The following ADD3 variants were observed in gnomAD, a reference collection of about 807,000 sequenced individuals.
The protein encoded by ADD3 is adducin 3.
A neutral mutation model predicts 80.2 loss-of-function variants in ADD3; 25 were observed. That is an observed-to-expected ratio of 0.31 (90% CI 0.23 to 0.44). The LOEUF (loss-of-function observed/expected upper bound fraction) is 0.44, where lower values mean the gene tolerates loss of function less well. Among genes scored for constraint, ADD3 ranks in the 20% least tolerant of loss-of-function variants. The pLI is 1.00. For synonymous variants in ADD3, 284 were observed against 289.6 expected (o/e 0.98, Z 0.20); for missense variants, 829 against 847.5 (o/e 0.98, Z 0.27).
At chr10:110,072,510 CA>C (rs1191936208) in intron 1 of ADD3, among the ~76,000 whole-genome samples, 3 of 152,104 alleles carry the variant, frequency 2.0e-5, no homozygotes, top group Non-Finnish European at 4.4e-5. Context: ...GGAAGTAAGC[CA>C]GAGGGTTGTG....
chr10:110,011,988 A>G (rs1852390642), intron 1 of ADD3, among the ~76,000 whole-genome samples: 1 of 152,250 alleles, frequency 6.6e-6, no homozygotes, highest in Non-Finnish European at 1.5e-5. Context: ...ACAGGTTAGA[A>G]GTCTTTCATT....
intron 14 of ADD3, 74 bp downstream of exon 14, chr10:110,132,474 G>A (rs191609867): frequency 6.5e-5 from 64 of 991,518 alleles, no homozygotes; most frequent in Non-Finnish European, 9.4e-5. Context: ...TTGTTTTCAC[G>A]TGAGGAAGTT....
At chr10:110,017,470 G>A (rs1853139259) in intron 1 of ADD3, among the ~76,000 whole-genome samples, 1 of 152,198 alleles carries the variant, frequency 6.6e-6, no homozygotes, top group Non-Finnish European at 1.5e-5. Flanking sequence ...AACATGAAGT[G>A]AATTGTTTCA....
At chr10:109,999,144 G>A (rs1248582623) in intron 1 of ADD3, among the ~76,000 whole-genome samples, 5 of 152,100 alleles carry the variant, frequency 3.3e-5, no homozygotes, top group Non-Finnish European at 5.9e-5. Flanking sequence ...CTCAGTAAAT[G>A]AACGCTGGGT....
intron 1 of ADD3, among the ~76,000 whole-genome samples, chr10:110,089,629 A>G (rs1158605354): frequency 2.0e-5 from 3 of 152,056 alleles, no homozygotes; most frequent in African/African-American, 7.2e-5. Context: ...TCTGTAAGAT[A>G]CTTGAGGGAT....
chr10:110,006,021 CT>C, upstream of ADD3: 1 of 243,726 alleles, frequency 4.1e-6, no homozygotes, highest in Non-Finnish European at 8.4e-6. Flanking sequence ...GCCGCCGCTG[CT>C]GCTGCTGCTG....
intron 1 of ADD3, among the ~76,000 whole-genome samples, chr10:110,092,116 G>A: frequency 6.6e-6 from 1 of 152,140 alleles, no homozygotes; most frequent in East Asian, 1.9e-4. Context: ...GGAGAAAACG[G>A]AACACTTATA....
upstream of ADD3, among the ~76,000 whole-genome samples, chr10:110,004,158 C>A (rs796707180): frequency 2.0e-5 from 3 of 151,712 alleles, no homozygotes; most frequent in African/African-American, 7.2e-5. Flanking sequence ...GCCCTCCTTG[C>A]AGAGAAGCAA....
At chr10:110,038,078 A>G (rs2050033640) in intron 1 of ADD3, among the ~76,000 whole-genome samples, 2 of 151,684 alleles carry the variant, frequency 1.3e-5, no homozygotes, top group African/African-American at 4.8e-5. Context: ...TCAAAAAAAA[A>G]AAAAAAAAAA....
rs748774653 is a variant in ADD3, at chr10:110,117,396, T to G, written c.541T>G (p.Phe181Val). ...TATAATAATTCCCAGAGGCCTATCT[T>G]TTTCTGAAGCTACAGCCTCCAATTT... ...HIIIIPRGLS[F>V]SEATASNLVK... The change falls in exon 5 of 15, where the codon TTT (phenylalanine) becomes GTT (valine). Residue 181 changes from phenylalanine to valine, a missense_variant. Coordinates refer to ENST00000356080, the MANE Select transcript of ADD3 (RefSeq NM_016824.5). 1.2e-6 allele frequency: 2 copies of G among 1,606,564 alleles called. No individual in the cohort carries two copies. Among genetic ancestry groups the G allele is most frequent in the Admixed American group, 1.7e-5 (1 of 59,986 alleles).
At position 110,134,916 on chromosome 10, in the gene ADD3, C is replaced by A. The variant is rs1001218645; in HGVS notation, c.*1298C>A. On this transcript the variant is annotated 3_prime_UTR_variant, in exon 15 of 15. Transcript: ENST00000356080. ...TTGATTTTTACAGATTTAAAAAAAT[C>A]TTTTCAGTGACCTTTCTTTTTAATG... 4.6e-5 allele frequency: 7 copies of A among 152,530 alleles called. No individual in the cohort carries two copies. The highest frequency in any genetic ancestry group is 1.4e-4 in the African/African-American group (6 of 41,452). 9.4% of individuals were successfully genotyped at this position (152,530 alleles called of 1,614,324 possible).
intron 3 of ADD3, among the ~76,000 whole-genome samples, chr10:110,115,413 T>G (rs1376438176): frequency 6.7e-6 from 1 of 150,320 alleles, no homozygotes. Flanking sequence ...ACAAGCAGGC[T>G]GGAAAATGGG....
rs1254259308 is a variant in ADD3, at chr10:110,135,366, G to A, written c.*1748G>A. On this transcript the variant is annotated 3_prime_UTR_variant, in exon 15 of 15. Transcript: ENST00000356080. ...TAAAAATATATATATCTAAATGAAT[G>A]CAATGTGCATAAATATTTTTTAAAC... The A allele has an allele frequency of 6.6e-6, 1 of 152,526 alleles. No homozygotes were observed. Among genetic ancestry groups the A allele is most frequent in the East Asian group, 1.9e-4 (1 of 5,206 alleles). 9.4% of individuals were successfully genotyped at this position (152,526 alleles called of 1,614,324 possible).
At chr10:110,132,709 C>T (rs1434791503) in intron 14 of ADD3, 5 of 253,226 alleles carry the variant, frequency 2.0e-5, no homozygotes, top group Non-Finnish European at 3.1e-5. Flanking sequence ...AGGTGGATCA[C>T]GAGGTCAGGA....
intron 1 of ADD3, among the ~76,000 whole-genome samples, chr10:109,998,970 T>G (rs1201481163): frequency 6.6e-6 from 1 of 152,196 alleles, no homozygotes; most frequent in Non-Finnish European, 1.5e-5. Flanking sequence ...AAAAGCTTCA[T>G]GAGTACAGGG....
At chr10:110,017,004 A>C (rs1186592473) in intron 1 of ADD3, among the ~76,000 whole-genome samples, 1 of 152,188 alleles carries the variant, frequency 6.6e-6, no homozygotes, top group Non-Finnish European at 1.5e-5. Flanking sequence ...ATTATATGTA[A>C]TTACTTAATT....
At chr10:110,020,970 T>C (rs570640506) in intron 1 of ADD3, among the ~76,000 whole-genome samples, 59 of 152,160 alleles carry the variant, frequency 3.9e-4, no homozygotes, top group African/African-American at 1.3e-3. Flanking sequence ...ATTTGCAAGT[T>C]GCTATGAGGA....
intron 9 of ADD3, among the ~76,000 whole-genome samples, chr10:110,123,655 G>A (rs1291499788): frequency 6.6e-6 from 1 of 152,132 alleles, no homozygotes; most frequent in Non-Finnish European, 1.5e-5. Flanking sequence ...AGGCTCAGAA[G>A]GCTGACTGCC....
intron 2 of ADD3, among the ~76,000 whole-genome samples, chr10:110,102,979 C>T (rs978584198): frequency 3.9e-5 from 6 of 152,150 alleles, no homozygotes; most frequent in African/African-American, 1.2e-4. Context: ...TGTATCATTT[C>T]CCTATTCACT....
Sources: allele counts gnomAD v4.1 joint callset (sites outside exome capture counted in the v4.1 genomes callset), GRCh38; gene constraint gnomAD v4.1.1; transcripts MANE v1.5; gene names NCBI Gene and HGNC (gene_info 2026-07-23, HGNC 2026-07-21).